CNTN4: variants seen among roughly 807,000 people sequenced by gnomAD.
CNTN4 encodes the protein contactin 4.
CNTN4 carries 77 observed loss-of-function variants against 122.5 expected under a neutral mutation model. The observed-to-expected ratio is 0.63, with a 90% confidence interval of 0.52 to 0.76. CNTN4 has a LOEUF of 0.76. Ranked by LOEUF, CNTN4 falls within the 30% of genes least tolerant of loss-of-function variation. The pLI, the probability that CNTN4 is intolerant of heterozygous loss-of-function variation, is 0.00. For synonymous variants in CNTN4, 512 were observed against 447.0 expected (o/e 1.15, Z -1.83); for missense variants, 1,256 against 1,259.1 (o/e 1.00, Z 0.04).
At chr3:2,190,051 C>G (rs1477010037) in intron 2 of CNTN4, among the ~76,000 whole-genome samples, 2 of 152,184 alleles carry the variant, frequency 1.3e-5, no homozygotes, top group Non-Finnish European at 2.9e-5. Flanking sequence ...TCTTAATAGT[C>G]CATTTCAAGG....
intron 2 of CNTN4, among the ~76,000 whole-genome samples, chr3:2,265,262 A>G (rs1033223235): frequency 2.0e-5 from 3 of 152,062 alleles, no homozygotes; most frequent in Non-Finnish European, 4.4e-5. Flanking sequence ...TTATTGATTG[A>G]TAAGCATTTG....
At chr3:2,386,924 C>G (rs565118368) in intron 3 of CNTN4, among the ~76,000 whole-genome samples, 15 of 152,264 alleles carry the variant, frequency 9.9e-5, no homozygotes, top group African/African-American at 3.6e-4. Flanking sequence ...TTATAGAAAT[C>G]ATGCATGTGG....
intron 2 of CNTN4, among the ~76,000 whole-genome samples, chr3:2,165,134 C>A (rs1214058818): frequency 6.6e-6 from 1 of 151,956 alleles, no homozygotes. Flanking sequence ...ACCAGCCTGG[C>A]CAACATGGTG....
intron 13 of CNTN4, among the ~76,000 whole-genome samples, chr3:2,970,516 A>G (rs919851793): frequency 4.0e-5 from 6 of 151,838 alleles, no homozygotes; most frequent in African/African-American, 1.5e-4. Context: ...GCTTGATTCC[A>G]GCTCACTGCA....
rs113934263 is a variant in CNTN4 at position 2,868,600 on chromosome 3, A to G, written c.652+1651A>G. 4.1e-5 allele frequency among the ~76,000 whole-genome samples: 6 copies of G among 147,782 alleles called. 1 individual carries two copies. The highest frequency in any genetic ancestry group is 1.6e-4 in the African/African-American group (6 of 37,256). ...GGGTCTGAGCATCCTTTCTACATAG[A>G]CTACACTGTGGAATTTTTGAGCAAA... is the stretch of plus-strand genomic sequence containing the variant. On this transcript the variant is annotated intron_variant, in intron 8 of 24. Transcript: ENST00000418658.
intron 3 of CNTN4, among the ~76,000 whole-genome samples, chr3:2,353,976 A>G (rs1289169299): frequency 1.3e-5 from 2 of 152,240 alleles, no homozygotes; most frequent in South Asian, 2.1e-4. Flanking sequence ...GACAGCTTAT[A>G]TATTTAGAGC....
intron 2 of CNTN4, among the ~76,000 whole-genome samples, chr3:2,104,199 T>C (rs1265849288): frequency 1.3e-5 from 2 of 151,634 alleles, no homozygotes; most frequent in Non-Finnish European, 2.9e-5. Context: ...TTTCTTCCAA[T>C]TTTTTCCACT....
chr3:2,348,972 G>A (rs962601389), intron 3 of CNTN4, among the ~76,000 whole-genome samples: 2 of 152,130 alleles, frequency 1.3e-5, no homozygotes, highest in African/African-American at 2.4e-5. Context: ...TCTTCTCCAA[G>A]CTAAGCAAGT....
At chr3:2,761,991 AT>A (rs2090612000) in intron 6 of CNTN4, among the ~76,000 whole-genome samples, 2 of 152,180 alleles carry the variant, frequency 1.3e-5, no homozygotes, top group Admixed American at 1.3e-4. Context: ...TATTTAATGA[AT>A]ACCAACTGGA....
chr3:2,738,919 CTT>C (rs1472156290), intron 5 of CNTN4, among the ~76,000 whole-genome samples: 1 of 151,900 alleles, frequency 6.6e-6, no homozygotes, highest in Non-Finnish European at 1.5e-5. Flanking sequence ...ATATTGAAAA[CTT>C]ATGTTCAATA....
chr3:2,463,716 G>A (rs763113537), intron 3 of CNTN4, among the ~76,000 whole-genome samples: 2 of 152,022 alleles, frequency 1.3e-5, no homozygotes, highest in Admixed American at 1.3e-4. Context: ...CCAAGATCGT[G>A]CGAATTCACT....
rs145179881 is a variant in CNTN4 at position 2,595,768 on chromosome 3, T to G, written c.55+24210T>G. On this transcript the variant is annotated intron_variant, in intron 4 of 24. Coordinates refer to ENST00000418658, the MANE Select transcript of CNTN4 (RefSeq NM_175607.3). Reference sequence around the variant, plus strand: ...GAGTTCAGAGAGTGAGTATCCAGCGTTATTTTGAGTCAGTCCTGCTCATTT... The same window carrying G: ...GAGTTCAGAGAGTGAGTATCCAGCGGTATTTTGAGTCAGTCCTGCTCATTT... Among the ~76,000 whole-genome samples, 572 of 152,296 alleles carry G rather than the reference T, an allele frequency of 3.8e-3. 5 individuals are homozygous for G. Among genetic ancestry groups the G allele is most frequent in the African/African-American group, 0.013 (542 of 41,578 alleles).
intron 6 of CNTN4, among the ~76,000 whole-genome samples, chr3:2,777,935 C>T (rs571674580): frequency 2.6e-5 from 4 of 152,150 alleles, no homozygotes; most frequent in African/African-American, 9.6e-5. Flanking sequence ...GAAATAACTG[C>T]TGGGTGCGGT....
At chr3:2,332,728 G>T (rs1459994322) in intron 2 of CNTN4, among the ~76,000 whole-genome samples, 1 of 143,664 alleles carries the variant, frequency 7.0e-6, no homozygotes, top group African/African-American at 2.6e-5. Context: ...TTGTGGGGTG[G>T]GGGGAGTGGG....
At chr3:2,287,755 AAGAAGAAGAAGAAGAAGAAGAAGG>A (rs2041990607) in intron 2 of CNTN4, among the ~76,000 whole-genome samples, 2 of 142,896 alleles carry the variant, frequency 1.4e-5, no homozygotes, top group African/African-American at 2.8e-5. Flanking sequence ...GAAGAAGAAG[AAGAAGAAGAAGAAGAAGAAGAAGG>A]AGAAGAAGAG....
At chr3:2,938,460 C>A (rs2094584806) in intron 13 of CNTN4, among the ~76,000 whole-genome samples, 1 of 152,078 alleles carries the variant, frequency 6.6e-6, no homozygotes, top group African/African-American at 2.4e-5. Context: ...TGGAAGAAAG[C>A]AATTTATTTA....
At chr3:2,859,963 A>C (rs10510238) in intron 7 of CNTN4, among the ~76,000 whole-genome samples, 17,263 of 152,256 alleles carry the variant, frequency 0.11, 1,101 homozygotes, top group Admixed American at 0.18. Context: ...AACATATTCA[A>C]GAGCCATATA....
chr3:2,357,500 G>A (rs1221574340), intron 3 of CNTN4, among the ~76,000 whole-genome samples: 1 of 152,170 alleles, frequency 6.6e-6, no homozygotes, highest in African/African-American at 2.4e-5. Flanking sequence ...TTCAGCTCTA[G>A]TAGGTATTGT....
intron 3 of CNTN4, among the ~76,000 whole-genome samples, chr3:2,571,155 A>T (rs539908506): frequency 6.6e-6 from 1 of 152,282 alleles, no homozygotes; most frequent in Admixed American, 6.5e-5. Context: ...AGGTTGGTTC[A>T]TGCCTAATCA....
Sources: allele counts gnomAD v4.1 joint callset (sites outside exome capture counted in the v4.1 genomes callset), GRCh38; gene constraint gnomAD v4.1.1; transcripts MANE v1.5; gene names NCBI Gene and HGNC (gene_info 2026-07-23, HGNC 2026-07-21).